The following PCOLCE variants were observed in gnomAD, a reference collection of about 807,000 sequenced individuals.
PCOLCE encodes the protein procollagen C-endopeptidase enhancer 1.
Under a neutral mutation model 47.2 loss-of-function variants are expected in PCOLCE, and 33 were observed. The ratio of observed to expected loss-of-function variants is 0.70; its 90% CI spans 0.53 to 0.93. The LOEUF is 0.93. Among genes scored for constraint, PCOLCE ranks in the 40% least tolerant of loss-of-function variants. PCOLCE has a pLI of 0.00. For missense variants in PCOLCE, 584 were observed against 585.3 expected, an observed-to-expected ratio of 1.00 and a Z score of 0.02; for synonymous variants, 254 against 252.5, an observed-to-expected ratio of 1.01 and a Z score of -0.06.
In PCOLCE at chr7:100,608,015, A is replaced by C; in HGVS notation, c.1262A>C (p.His421Pro). 6.2e-7 allele frequency: 1 copy of C among 1,614,066 alleles called. No individual in the cohort carries two copies. The highest frequency in any genetic ancestry group is 8.5e-7 in the Non-Finnish European group (1 of 1,179,942). The change falls in exon 9 of 9, where the codon CAC (histidine) becomes CCC (proline). Residue 421 changes from histidine (H) to proline (P), a missense_variant. Physicochemically the swap from His to Pro is moderately conservative, Grantham distance 77. Transcript: ENST00000223061. ...VLPPESFVVL[H>P]RPNQDQILTN... ...CCTCCAGAGAGCTTTGTGGTTCTCC[A>C]CCGGCCCAACCAGGACCAGATCCTC...
In PCOLCE at chr7:100,606,434, G is replaced by A. The variant is rs765181722; in HGVS notation, c.744G>A (p.Gly248=). 4.3e-6 allele frequency: 7 copies of A among 1,613,794 alleles called. No individual in the cohort carries two copies. The highest frequency in any genetic ancestry group is 5.1e-6 in the Non-Finnish European group (6 of 1,179,840). The change falls in exon 6 of 9, where the codon GGG becomes GGA. Residue 248 remains glycine, a synonymous_variant. Coordinates refer to ENST00000223061, the MANE Select transcript of PCOLCE (RefSeq NM_002593.4). ...DAVPGSISSE[G]NELLVQFVSD... The stretch of plus-strand genomic sequence containing the variant: ...CCTGCAGCTCCATCTCCTCCGAAGG[G>A]AATGAACTCCTCGTCCAGTTCGTCT...
intron 7 of PCOLCE, 52 bp from the exon 8 acceptor site, chr7:100,607,585 C>T: frequency 6.2e-7 from 1 of 1,605,326 alleles, no homozygotes; most frequent in Non-Finnish European, 8.5e-7. Context: ...GTTTCCAGTC[C>T]TGCCATCTGG....
rs1003155927 is a variant in PCOLCE, at chr7:100,602,394, C to T, written c.-63C>T. 4.3e-5 allele frequency: 47 copies of T among 1,091,812 alleles called. No homozygotes were observed. Among genetic ancestry groups the T allele is most frequent in the Non-Finnish European group, 6.1e-5 (43 of 710,374 alleles). The allele number at this position is 1,091,812 out of a possible 1,614,324, so 67.6% of individuals were successfully genotyped here. ...CCTGCTGCTGCCGCCACCGCTGCTG[C>T]TGCTCTGCAAAATTCAGCTGCTGCC... On this transcript the variant is annotated 5_prime_UTR_variant, in exon 1 of 9. Coordinates refer to ENST00000223061, the MANE Select transcript of PCOLCE (RefSeq NM_002593.4).
At chr7:100,606,282 T>C in intron 5 of PCOLCE, 134 bp from the exon 6 acceptor site, 1 of 633,860 alleles carries the variant, frequency 1.6e-6, no homozygotes, top group Non-Finnish European at 2.8e-6. Context: ...TAAGCCTAGA[T>C]GGAGCCACTG....
rs772211522 is a variant in PCOLCE at position 100,605,176 on chromosome 7, C to T, written c.549C>T (p.Gly183=). ...GGCCCGAGTCCGATTACCCCCCGGG[C>T]ATCAGCTGTTCCTGGCACATCATCG... is the stretch of plus-strand genomic sequence containing the variant. ...PNWPESDYPP[G]ISCSWHIIAP... Residue 183 remains glycine (G), a synonymous_variant, in exon 4 of 9, where the codon GGC becomes GGT. Coordinates refer to ENST00000223061, the MANE Select transcript of PCOLCE (RefSeq NM_002593.4). The surrounding 1 kb of genome is among the most constrained non-coding windows in gnomAD (Gnocchi z 6.1). 58 of 1,612,962 alleles carry T rather than the reference C, an allele frequency of 3.6e-5. No individual in the cohort carries two copies. Among genetic ancestry groups the T allele is most frequent in the Non-Finnish European group, 3.6e-5 (42 of 1,179,686 alleles).
Position 100,604,998 on chromosome 7 carries a change from A to G in PCOLCE, c.464-93A>G. 1 of 844,000 alleles carries G rather than the reference A, an allele frequency of 1.2e-6. No homozygotes were observed. Among genetic ancestry groups the G allele is most frequent in the Non-Finnish European group, 1.9e-6 (1 of 521,226 alleles). 52.3% of individuals were successfully genotyped at this position (844,000 alleles called of 1,614,324 possible). On this transcript the variant is annotated intron_variant, in intron 3 of 8. Transcript: ENST00000223061. This position sits in a 1 kb window ranked among gnomAD's most constrained non-coding sequence, Gnocchi z 6.4. ...CCTCATCCTGAGCCCCAGACATCCG[A>G]GCTGCCTGCCGGGGCTCCCAGCCTA...
chr7:100,607,090 C>CAAAAAAAAAAAAAAAAAAAAA (rs559618495), intron 6 of PCOLCE, among the ~76,000 whole-genome samples: 4 of 105,244 alleles, frequency 3.8e-5, no homozygotes, highest in African/African-American at 1.1e-4. Flanking sequence ...GATTCTGTCT[C>CAAAAAAAAAAAAAAAAAAAAA]AAAAAAAAAA....
In PCOLCE at chr7:100,605,417, A is replaced by G. The variant is rs1009410792; in HGVS notation, c.588+202A>G. 1 of 667,862 alleles carries G rather than the reference A, an allele frequency of 1.5e-6. No individual in the cohort carries two copies. Among genetic ancestry groups the G allele is most frequent in the African/African-American group, 1.8e-5 (1 of 54,990 alleles). The allele number at this position is 667,862 out of a possible 1,614,324, so 41.4% of individuals were successfully genotyped here. ...GAGACAAGTCTCAGGAGAGCGAGGT[A>G]CAGGGTCCTGGTATAACACGCGGGC... On this transcript the variant is annotated intron_variant, in intron 4 of 8. Coordinates refer to ENST00000223061, the MANE Select transcript of PCOLCE (RefSeq NM_002593.4). The surrounding 1 kb of genome is among the most constrained non-coding windows in gnomAD (Gnocchi z 6.1).
Position 100,607,712 on chromosome 7 carries a change from C to G in PCOLCE, c.1088C>G (p.Ala363Gly). The G allele has an allele frequency of 6.2e-7, 1 of 1,613,980 alleles. No individual in the cohort carries two copies. Among genetic ancestry groups the G allele is most frequent in the Non-Finnish European group, 8.5e-7 (1 of 1,179,948 alleles). Residue 363 changes from alanine (A) to glycine (G), a missense_variant, in exon 8 of 9, where the codon GCT becomes GGT. Physicochemically the swap from Ala to Gly is moderately conservative, Grantham distance 60 (BLOSUM62 0). Transcript: ENST00000223061. Reference protein sequence around the residue: ...GLAVTVSLIGAYKTGGLDLPS... With the variant: ...GLAVTVSLIGGYKTGGLDLPS... ...GCCGTGACTGTCAGTCTTATTGGTG[C>G]TTATAAAACTGGAGGACTGGACCTG...
chr7:100,605,854 G>T lies in PCOLCE; in HGVS notation c.725+42G>T. 6.5e-7 allele frequency: 1 copy of T among 1,539,646 alleles called. No homozygotes were observed. Among genetic ancestry groups the T allele is most frequent in the South Asian group, 1.2e-5 (1 of 83,434 alleles). ...GGGCGAGTCCGGGAGAGAGTCGGCG[G>T]ACCGCACGCACGCGGCTGTTTGGAG... On this transcript the variant is annotated intron_variant, in intron 5 of 8. Coordinates refer to ENST00000223061, the MANE Select transcript of PCOLCE (RefSeq NM_002593.4). This position sits in a 1 kb window ranked among gnomAD's most constrained non-coding sequence, Gnocchi z 6.1.
At chr7:100,606,723 A>AAAAT in intron 6 of PCOLCE, 93 bp downstream of exon 6, 1 of 953,536 alleles carries the variant, frequency 1.0e-6, no homozygotes, top group Non-Finnish European at 1.6e-6. Context: ...CTGTAATCCC[A>AAAAT]GCATTTTGGG....
At position 100,606,440 on chromosome 7, in the gene PCOLCE, ACTC is replaced by A; in HGVS notation, c.754_756del (p.Leu252del). 1.9e-6 allele frequency: 3 copies of A among 1,613,744 alleles called. No homozygotes were observed. The highest frequency in any genetic ancestry group is 2.5e-6 in the Non-Finnish European group (3 of 1,179,786). On this transcript the variant is annotated inframe_deletion, in exon 6 of 9. Transcript: ENST00000223061. ...GCTCCATCTCCTCCGAAGGGAATGA[ACTC>A]CTCGTCCAGTTCGTCTCAGATCTCA...
chr7:100,606,671 G>A, intron 6 of PCOLCE, 41 bp downstream of exon 6: 3 of 1,487,874 alleles, frequency 2.0e-6, no homozygotes, highest in Non-Finnish European at 2.7e-6. Flanking sequence ...CAGACTGAAG[G>A]GGGCCATTTC....
intron 5 of PCOLCE, chr7:100,606,090 A>T: frequency 1.9e-6 from 1 of 538,254 alleles, no homozygotes; most frequent in Non-Finnish European, 3.3e-6. Flanking sequence ...GCACTTTGGG[A>T]GGCTGAAGCG....
chr7:100,602,430 G>T lies in PCOLCE; in HGVS notation c.-27G>T. 1 of 1,471,052 alleles carries T rather than the reference G, an allele frequency of 6.8e-7. No homozygotes were observed. The allele number at this position is 1,471,052 out of a possible 1,614,324, so 91.1% of individuals were successfully genotyped here. The stretch of plus-strand genomic sequence containing the variant: ...AATTCAGCTGCTGCCTCTGTCTTGA[G>T]GACCCCAGCGCCTTTCCCCCGGGGC... On this transcript the variant is annotated 5_prime_UTR_variant, in exon 1 of 9. In the 5' UTR this introduces an upstream ATG that the reference lacks. Coordinates refer to ENST00000223061, the MANE Select transcript of PCOLCE (RefSeq NM_002593.4).
chr7:100,604,447 G>T lies in PCOLCE; in HGVS notation c.463+230G>T. On this transcript the variant is annotated intron_variant, in intron 3 of 8. Coordinates refer to ENST00000223061, the MANE Select transcript of PCOLCE (RefSeq NM_002593.4). This position sits in a 1 kb window ranked among gnomAD's most constrained non-coding sequence, Gnocchi z 6.4. Reference sequence around the variant, plus strand: ...TTCCAGGGCCCCCCCCAGGCGCGAGGCGGAAATGGGTCACCGACCCGCGGG... The same window carrying T: ...TTCCAGGGCCCCCCCCAGGCGCGAGTCGGAAATGGGTCACCGACCCGCGGG... The T allele has an allele frequency of 1.6e-6, 1 of 625,784 alleles. No homozygotes were observed. 38.8% of individuals were successfully genotyped at this position (625,784 alleles called of 1,614,324 possible).
Position 100,606,561 on chromosome 7 carries a change from G to C in PCOLCE, c.871G>C (p.Glu291Gln). The C allele has an allele frequency of 6.2e-7, 1 of 1,614,182 alleles. No homozygotes were observed. ...AGGGCCCGGCCCCAAACGGGGAACT[G>C]AGCCTAAAGTCAAGCTGCCCCCCAA... Reference protein sequence around the residue: ...GQGPGPKRGTEPKVKLPPKSQ... With the variant: ...GQGPGPKRGTQPKVKLPPKSQ... The change falls in exon 6 of 9, where the codon GAG (glutamate) becomes CAG (glutamine). Residue 291 changes from glutamate to glutamine, a missense_variant. Glu to Gln is a conservative substitution (Grantham distance 29). Coordinates refer to ENST00000223061, the MANE Select transcript of PCOLCE (RefSeq NM_002593.4).
chr7:100,605,692 T>C lies in PCOLCE; in HGVS notation c.605T>C (p.Phe202Ser). ...CGCCGCCAGGTCATCGCGCTGACCT[T>C]CGAGAAGTTTGACCTGGAGCCGGAC... ...APPDQVIALT[F>S]EKFDLEPDTY... Residue 202 changes from phenylalanine to serine, a missense_variant, in exon 5 of 9, where the codon TTC becomes TCC. Phe to Ser is a radical substitution (Grantham distance 155). Coordinates refer to ENST00000223061, the MANE Select transcript of PCOLCE (RefSeq NM_002593.4). The surrounding 1 kb of genome is among the most constrained non-coding windows in gnomAD (Gnocchi z 6.1). 1 of 1,583,356 alleles carries C rather than the reference T, an allele frequency of 6.3e-7. No individual in the cohort carries two copies. The highest frequency in any genetic ancestry group is 8.6e-7 in the Non-Finnish European group (1 of 1,165,100).
At chr7:100,603,917 G>C in intron 2 of PCOLCE, 42 bp from the exon 3 acceptor site, 1 of 1,588,796 alleles carries the variant, frequency 6.3e-7, no homozygotes, top group African/African-American at 1.3e-5. Context: ...GGGTTGTGTG[G>C]GGCCTGACTC....
Sources: allele counts gnomAD v4.1 joint callset (sites outside exome capture counted in the v4.1 genomes callset), GRCh38; gene constraint gnomAD v4.1.1; non-coding constraint Gnocchi (gnomAD v3.1); transcripts MANE v1.5; gene names NCBI Gene and HGNC (gene_info 2026-07-23, HGNC 2026-07-21).